Variants in R3HDML observed in about 807,000 individuals in gnomAD.
R3HDML encodes R3H domain containing like, also known as peptidase inhibitor R3HDML.
A neutral mutation model predicts 24.2 loss-of-function variants in R3HDML; 21 were observed. The ratio of observed to expected loss-of-function variants is 0.87; its 90% CI spans 0.62 to 1.25. The LOEUF (loss-of-function observed/expected upper bound fraction) is 1.25. R3HDML is among the 50% of genes most tolerant of loss of function. R3HDML has a pLI of 0.00. For missense variants in R3HDML, 301 were observed against 340.3 expected, an observed-to-expected ratio of 0.88 and a Z score of 0.91; for synonymous variants, 133 against 131.5, an observed-to-expected ratio of 1.01 and a Z score of -0.08.
At position 44,341,169 on chromosome 20, in the gene R3HDML, G is replaced by A. The variant is rs775868882; in HGVS notation, c.262-27G>A. ...GTGACGATGGTGGCAATTCCCCTGG[G>A]GAATTTCATTGCCTTTCTTTCCCCA... On this transcript the variant is annotated intron_variant, in intron 1 of 4. Transcript: ENST00000217043. The A allele has an allele frequency of 3.4e-5, 53 of 1,580,238 alleles. No individual in the cohort carries two copies. In the East Asian group the frequency reaches 1.0e-3, roughly 31 times the overall value.
chr20:44,339,395 T>A (rs1269366819), intron 1 of R3HDML, among the ~76,000 whole-genome samples: 1 of 152,102 alleles, frequency 6.6e-6, no homozygotes, highest in Non-Finnish European at 1.5e-5. Context: ...AAGTCAGAGA[T>A]GGAAGGGAAC....
intron 4 of R3HDML, among the ~76,000 whole-genome samples, chr20:44,349,132 A>G (rs544387262): frequency 1.4e-5 from 2 of 144,620 alleles, no homozygotes; most frequent in East Asian, 4.1e-4. Flanking sequence ...ATCTCAAAGT[A>G]AAATAAAATA....
chr20:44,338,472 A>G (rs1438753616), intron 1 of R3HDML, among the ~76,000 whole-genome samples: 5 of 152,186 alleles, frequency 3.3e-5, no homozygotes, highest in African/African-American at 1.2e-4. Context: ...GGGCGGGAAT[A>G]AGAGCCGGGA....
chr20:44,341,253 G>A lies in R3HDML; in HGVS notation c.319G>A (p.Ala107Thr). The A allele has an allele frequency of 6.2e-7, 1 of 1,614,168 alleles. No homozygotes were observed. The highest frequency in any genetic ancestry group is 1.1e-5 in the South Asian group (1 of 91,076). ...AGCCTGGGCCACCCAGTGCATCTGG[G>A]CACATGGGCCTTCACAGCTGATGAG... ...AEAWATQCIW[A>T]HGPSQLMRYV... Residue 107 changes from alanine to threonine, a missense_variant, in exon 2 of 5, where the codon GCA becomes ACA. Transcript: ENST00000217043.
In R3HDML at chr20:44,350,518, GA is replaced by G. The variant is rs539128751; in HGVS notation, c.630-134del. ...TAAATAAATAAATAAATAAAGGAAA[GA>G]AAAAAAAGAAACCAAGGCTTGCAGA... On this transcript the variant is annotated intron_variant, in intron 4 of 4. Transcript: ENST00000217043. The G allele has an allele frequency of 2.5e-3, 1,583 of 643,886 alleles. 2 individuals carry two copies. The highest frequency in any genetic ancestry group is 3.3e-3 in the Non-Finnish European group (1,370 of 414,842). 39.9% of individuals were successfully genotyped at this position (643,886 alleles called of 1,614,324 possible). A position where few individuals can be genotyped will look rare whatever the true frequency, so the allele number is the denominator to read the frequency against.
intron 4 of R3HDML, among the ~76,000 whole-genome samples, chr20:44,346,112 G>A (rs112032159): frequency 0.1 from 15,322 of 151,436 alleles, 971 homozygotes; most frequent in Middle Eastern, 0.17. Context: ...GAGCCACTGC[G>A]CCTGGCCTAT....
intron 4 of R3HDML, among the ~76,000 whole-genome samples, chr20:44,347,206 CT>C (rs1483736962): frequency 1.3e-5 from 2 of 148,446 alleles, no homozygotes; most frequent in Non-Finnish European, 3.0e-5. Flanking sequence ...TTTAGAATTT[CT>C]TTTTTTCTTT....
intron 1 of R3HDML, among the ~76,000 whole-genome samples, chr20:44,339,579 A>ATG (rs140076477): frequency 0.16 from 23,269 of 147,852 alleles, 2,550 homozygotes; most frequent in East Asian, 0.54. Flanking sequence ...GCCTATATAT[A>ATG]TGTGTGTGTG....
At chr20:44,338,860 T>C (rs2062764701) in intron 1 of R3HDML, among the ~76,000 whole-genome samples, 1 of 151,846 alleles carries the variant, frequency 6.6e-6, no homozygotes. Flanking sequence ...TCACCTGAGG[T>C]CAGGAGTTCC....
Position 44,337,281 on chromosome 20 carries a change from C to A in R3HDML, c.124C>A (p.Arg42=), listed in dbSNP as rs201601041. The stretch of plus-strand genomic sequence containing the variant: ...GGCCCAGCCCGAGAGCACGGCTATG[C>A]GGCTCCTGAGTGGCCTGGAGGTGCC... The part of the protein sequence containing the change: ...APAQPESTAM[R]LLSGLEVPRY... Residue 42 remains arginine, a synonymous_variant, in exon 1 of 5, where the codon CGG becomes AGG. Transcript: ENST00000217043. This position sits in a 1 kb window ranked among gnomAD's most constrained non-coding sequence, Gnocchi z 4.7. 6.2e-7 allele frequency: 1 copy of A among 1,614,176 alleles called. No individual in the cohort carries two copies. Among genetic ancestry groups the A allele is most frequent in the African/African-American group, 1.3e-5 (1 of 75,056 alleles).
chr20:44,341,644 G>A (rs866784862), intron 2 of R3HDML, among the ~76,000 whole-genome samples: 2 of 152,200 alleles, frequency 1.3e-5, no homozygotes, highest in Non-Finnish European at 2.9e-5. Context: ...CAGCACTTTG[G>A]GAGGCTGAGG....
Position 44,337,291 on chromosome 20 carries a change from G to C in R3HDML, c.134G>C (p.Ser45Thr). ...GAGAGCACGGCTATGCGGCTCCTGAGTGGCCTGGAGGTGCCCAGGTACCGC... is the reference window on the plus strand; with the variant it reads ...GAGAGCACGGCTATGCGGCTCCTGACTGGCCTGGAGGTGCCCAGGTACCGC... ...QPESTAMRLL[S>T]GLEVPRYRRK... The change falls in exon 1 of 5, where the codon AGT becomes ACT. Residue 45 changes from serine (S) to threonine (T), a missense_variant. Physicochemically the swap from Ser to Thr is moderately conservative, Grantham distance 58. Transcript: ENST00000217043. This position sits in a 1 kb window ranked among gnomAD's most constrained non-coding sequence, Gnocchi z 4.7. The C allele has an allele frequency of 6.2e-7, 1 of 1,614,222 alleles. No individual in the cohort carries two copies. Among genetic ancestry groups the C allele is most frequent in the Non-Finnish European group, 8.5e-7 (1 of 1,180,050 alleles).
At chr20:44,344,092 T>A (rs1225519902) in intron 3 of R3HDML, among the ~76,000 whole-genome samples, 1 of 152,092 alleles carries the variant, frequency 6.6e-6, no homozygotes, top group Admixed American at 6.5e-5. Context: ...CCATCCTGGC[T>A]AACACGGTGA....
At chr20:44,343,540 G>A (rs1433283086) in intron 3 of R3HDML, 31 bp downstream of exon 3, 1 of 1,556,724 alleles carries the variant, frequency 6.4e-7, no homozygotes, top group Non-Finnish European at 8.7e-7. Flanking sequence ...AGGGCCCCTG[G>A]GATAACACAT....
intron 2 of R3HDML, 135 bp from the exon 3 acceptor site, chr20:44,343,242 C>G (rs1164383814): frequency 3.7e-6 from 4 of 1,081,312 alleles, no homozygotes; most frequent in Non-Finnish European, 5.4e-6. Context: ...AGGGCCACTG[C>G]CCTCATGCTC....
chr20:44,349,106 G>A (rs1259002657), intron 4 of R3HDML, among the ~76,000 whole-genome samples: 1 of 150,884 alleles, frequency 6.6e-6, no homozygotes, highest in African/African-American at 2.4e-5. Context: ...TAGCCTGGGC[G>A]ACAATGCGAG....
chr20:44,344,146 T>C (rs1255902192), intron 3 of R3HDML, among the ~76,000 whole-genome samples: 2 of 152,080 alleles, frequency 1.3e-5, no homozygotes, highest in Non-Finnish European at 1.5e-5. Context: ...CCAGGCTTGG[T>C]GGCATGTGCC....
intron 1 of R3HDML, among the ~76,000 whole-genome samples, chr20:44,338,736 C>T (rs2062764408): frequency 6.6e-6 from 1 of 152,138 alleles, no homozygotes; most frequent in Admixed American, 6.5e-5. Flanking sequence ...CACTTTACCC[C>T]TTTGTAGCAT....
chr20:44,346,485 C>T (rs1342088043), intron 4 of R3HDML, among the ~76,000 whole-genome samples: 1 of 152,222 alleles, frequency 6.6e-6, no homozygotes, highest in Admixed American at 6.5e-5. Flanking sequence ...GGTGGAAAGA[C>T]AGTGTTGCTG....
Sources: gnomAD v4.1 joint callset for allele counts (sites outside exome capture counted in the v4.1 genomes callset) on GRCh38, gnomAD v4.1.1 for gene constraint, Gnocchi (gnomAD v3.1) non-coding constraint, MANE v1.5 for transcripts, NCBI Gene and HGNC (gene_info 2026-07-23, HGNC 2026-07-21) for gene names.